Variants in GRIN2B observed in about 807,000 individuals in gnomAD.
The protein encoded by GRIN2B is glutamate receptor ionotropic, NMDA 2B.
A neutral mutation model predicts 114.5 loss-of-function variants in GRIN2B; 5 were observed. That is an observed-to-expected ratio of 0.04 (90% CI 0.02 to 0.09). The LOEUF is 0.09. Among genes scored for constraint, GRIN2B ranks in the 10% least tolerant of loss-of-function variants. The pLI is 1.00. For missense variants in GRIN2B, 1,108 were observed against 1,943.5 expected (o/e 0.57, Z 8.08); for synonymous variants, 787 against 745.1 (o/e 1.06, Z -0.92).
At chr12:13,673,425 T>C (rs541901587) in intron 5 of GRIN2B, among the ~76,000 whole-genome samples, 10 of 152,076 alleles carry the variant, frequency 6.6e-5, no homozygotes, top group South Asian at 6.2e-4. Flanking sequence ...CCATAAACCA[T>C]AGAAGGCTCA....
intron 3 of GRIN2B, among the ~76,000 whole-genome samples, chr12:13,833,950 G>C (rs551884496): frequency 6.6e-6 from 1 of 150,570 alleles, no homozygotes; most frequent in Non-Finnish European, 1.5e-5. Context: ...TTGCTGCCTC[G>C]TGATGTACAC....
chr12:13,929,144 C>A (rs1374151865), intron 2 of GRIN2B, among the ~76,000 whole-genome samples: 1 of 152,062 alleles, frequency 6.6e-6, no homozygotes, highest in East Asian at 1.9e-4. Context: ...ACTTAAATAA[C>A]CTGAAGATTT....
At chr12:13,786,451 A>C (rs1281702692) in intron 3 of GRIN2B, among the ~76,000 whole-genome samples, 1 of 152,192 alleles carries the variant, frequency 6.6e-6, no homozygotes, top group Non-Finnish European at 1.5e-5. Flanking sequence ...TCTCTCAAAG[A>C]GTGCCACATA....
intron 3 of GRIN2B, among the ~76,000 whole-genome samples, chr12:13,857,859 C>T (rs1382244913): frequency 6.6e-6 from 1 of 152,126 alleles, no homozygotes; most frequent in African/African-American, 2.4e-5. Flanking sequence ...AATCCAATAC[C>T]AACCCACTTC....
intron 5 of GRIN2B, among the ~76,000 whole-genome samples, chr12:13,641,230 C>A (rs1167209048): frequency 6.6e-6 from 1 of 152,024 alleles, no homozygotes; most frequent in Non-Finnish European, 1.5e-5. Flanking sequence ...TGCCACCACA[C>A]CTAGCTAATT....
At chr12:13,905,333 A>T (rs1202354674) in intron 2 of GRIN2B, among the ~76,000 whole-genome samples, 2 of 152,194 alleles carry the variant, frequency 1.3e-5, no homozygotes, top group Non-Finnish European at 2.9e-5. Context: ...TGCTAGATCA[A>T]TCAGATGAGC....
chr12:13,845,709 A>G (rs1157844490), intron 3 of GRIN2B, among the ~76,000 whole-genome samples: 2 of 152,182 alleles, frequency 1.3e-5, no homozygotes, highest in African/African-American at 2.4e-5. Flanking sequence ...TAGTAAGATA[A>G]CATGTTCATC....
At chr12:13,701,427 C>T (rs1950311284) in intron 4 of GRIN2B, among the ~76,000 whole-genome samples, 1 of 151,504 alleles carries the variant, frequency 6.6e-6, no homozygotes, top group Non-Finnish European at 1.5e-5. Context: ...CCACATTGGT[C>T]TCCCTCTGTA....
chr12:13,692,751 C>G (rs1331652176), intron 4 of GRIN2B, among the ~76,000 whole-genome samples: 1 of 26,360 alleles, frequency 3.8e-5, no homozygotes, highest in African/African-American at 1.0e-4. Context: ...TTTCATTAAT[C>G]TTTCTTTTCT....
At chr12:13,886,883 G>A (rs1310692522) in intron 2 of GRIN2B, among the ~76,000 whole-genome samples, 3 of 152,152 alleles carry the variant, frequency 2.0e-5, no homozygotes, top group Non-Finnish European at 4.4e-5. Context: ...CACACTCCAA[G>A]TGCTTTATAT....
intron 3 of GRIN2B, among the ~76,000 whole-genome samples, chr12:13,841,977 A>C (rs767399449): frequency 6.6e-6 from 1 of 152,136 alleles, no homozygotes; most frequent in Non-Finnish European, 1.5e-5. Context: ...TTATAAAATA[A>C]TTAGTCTGCA....
At chr12:13,809,341 A>C (rs886510746) in intron 3 of GRIN2B, among the ~76,000 whole-genome samples, 2 of 152,222 alleles carry the variant, frequency 1.3e-5, no homozygotes, top group African/African-American at 4.8e-5. Flanking sequence ...ATCAAGTCCC[A>C]GCCACTTTGT....
At chr12:13,763,856 T>C (rs1863726628) in intron 3 of GRIN2B, among the ~76,000 whole-genome samples, 1 of 152,226 alleles carries the variant, frequency 6.6e-6, no homozygotes, top group African/African-American at 2.4e-5. Flanking sequence ...TGAGATTTTC[T>C]TTGTTTTCTT....
intron 4 of GRIN2B, among the ~76,000 whole-genome samples, chr12:13,716,718 T>A (rs1488439167): frequency 6.6e-6 from 1 of 152,020 alleles, no homozygotes; most frequent in East Asian, 1.9e-4. Context: ...TAATGTCATA[T>A]GATGATCTTT....
At chr12:13,581,216 T>C (rs999147328) in intron 10 of GRIN2B, among the ~76,000 whole-genome samples, 1 of 152,160 alleles carries the variant, frequency 6.6e-6, no homozygotes, top group Non-Finnish European at 1.5e-5. Context: ...TCCCAAAGTT[T>C]TTTACAGCTC....
chr12:13,571,731 C>CATGTGATTCAATA lies in GRIN2B; in HGVS notation c.2171+60_2171+72dup. The CATGTGATTCAATA allele has an allele frequency of 2.1e-6, 3 of 1,400,360 alleles. No homozygotes were observed. The Admixed American group carries it at 5.0e-5, about 23-fold the overall frequency. 86.7% of individuals were successfully genotyped at this position (1,400,360 alleles called of 1,614,324 possible). ...GATACCAAGCATGGTATACCTAGTG[C>CATGTGATTCAATA]ATGTGATTCAATAGTATGCTTAATA... On this transcript the variant is annotated intron_variant, in intron 11 of 13. Coordinates refer to ENST00000609686, the MANE Select transcript of GRIN2B (RefSeq NM_000834.5).
rs1948338957 is a variant in GRIN2B at position 13,546,171 on chromosome 12, A to G, written c.*16612T>C. The G allele has an allele frequency of 6.6e-6, 1 of 152,208 alleles. No individual in the cohort carries two copies. Among genetic ancestry groups the G allele is most frequent in the Non-Finnish European group, 1.5e-5 (1 of 68,032 alleles). 9.4% of individuals were successfully genotyped at this position (152,208 alleles called of 1,614,324 possible). On this transcript the variant is annotated 3_prime_UTR_variant, in exon 14 of 14. Transcript: ENST00000609686. ...CATTCCCCTGATATATTCAGTTCTC[A>G]GTGCCCCTTGGCTTCCCAATTTAAG...
At chr12:13,778,306 A>C (rs74065299) in intron 3 of GRIN2B, among the ~76,000 whole-genome samples, 1 of 152,206 alleles carries the variant, frequency 6.6e-6, no homozygotes, top group Non-Finnish European at 1.5e-5. Flanking sequence ...GTTTCTTCTG[A>C]AGAATGTATT....
At chr12:13,746,994 C>A (rs574058426) in intron 4 of GRIN2B, among the ~76,000 whole-genome samples, 1 of 152,258 alleles carries the variant, frequency 6.6e-6, no homozygotes, top group African/African-American at 2.4e-5. Context: ...TTATAAATTA[C>A]CCGGCCTTTA....
Sources: gnomAD v4.1 joint callset for allele counts (sites outside exome capture counted in the v4.1 genomes callset) on GRCh38, gnomAD v4.1.1 for gene constraint, MANE v1.5 for transcripts, NCBI Gene and HGNC (gene_info 2026-07-23, HGNC 2026-07-21) for gene names.